Variants in CPLANE1 observed in about 807,000 individuals in gnomAD.
The protein encoded by CPLANE1 is ciliogenesis and planar polarity effector complex subunit 1.
A neutral mutation model predicts 362.5 loss-of-function variants in CPLANE1; 263 were observed. That is an observed-to-expected ratio of 0.73 (90% CI 0.66 to 0.80). The LOEUF is 0.80. CPLANE1 is among the 30% of genes least tolerant of loss of function. The probability of loss-of-function intolerance (pLI) is 0.00; values close to 1 mark genes in which losing one functional copy is unlikely to be tolerated. For missense variants in CPLANE1, 3,461 were observed against 3,793.4 expected, an observed-to-expected ratio of 0.91 and a Z score of 2.30; for synonymous variants, 1,212 against 1,302.6, an observed-to-expected ratio of 0.93 and a Z score of 1.50.
At chr5:37,245,110 C>T (rs1739112991) in intron 4 of CPLANE1, among the ~76,000 whole-genome samples, 1 of 150,996 alleles carries the variant, frequency 6.6e-6, no homozygotes, top group African/African-American at 2.4e-5. Context: ...CACCACTGCA[C>T]TCCAGCCTGG....
intron 43 of CPLANE1, among the ~76,000 whole-genome samples, chr5:37,144,338 G>A (rs1221301234): frequency 6.7e-6 from 1 of 149,724 alleles, no homozygotes; most frequent in Admixed American, 6.7e-5. Context: ...AACCCTGGAG[G>A]AGGAGGCTGC....
At chr5:37,100,461 G>A in the CPLANE1 span, among the ~76,000 whole-genome samples, 1 of 151,992 alleles carries the variant, frequency 6.6e-6, no homozygotes. Context: ...CTGTTCCATT[G>A]GTCTATGTGT....
At chr5:37,205,867 C>T (rs1004013083) in intron 17 of CPLANE1, among the ~76,000 whole-genome samples, 2 of 152,178 alleles carry the variant, frequency 1.3e-5, no homozygotes, top group African/African-American at 2.4e-5. Flanking sequence ...GCACGATCAT[C>T]GCCCCTGGCT....
intron 42 of CPLANE1, among the ~76,000 whole-genome samples, chr5:37,153,229 A>G (rs1443112925): frequency 6.6e-6 from 1 of 152,164 alleles, no homozygotes; most frequent in Non-Finnish European, 1.5e-5. Flanking sequence ...AAAATGTCCC[A>G]ACAAACAAAA....
the CPLANE1 span, among the ~76,000 whole-genome samples, chr5:37,095,496 C>T: frequency 6.6e-6 from 1 of 152,078 alleles, no homozygotes; most frequent in Non-Finnish European, 1.5e-5. Flanking sequence ...GGGGAAAAGT[C>T]GAAAGCATTC....
rs972866962 is a variant in CPLANE1, at chr5:37,175,912, G to A, written c.5975C>T (p.Ser1992Phe). The part of the protein sequence containing the change: ...SMQVDTSSEI[S>F]SAQISTYKEK... ...TATAGTAGGCAAAACTTCTTACCTAGAAATTTCTGAACTCGTATCTACTTG... is the reference window on the plus strand; with the variant it reads ...TATAGTAGGCAAAACTTCTTACCTAAAAATTTCTGAACTCGTATCTACTTG... The change falls in exon 31 of 53, where the codon TCT becomes TTT. Residue 1992 changes from serine (S) to phenylalanine (F), a missense_variant. By Grantham distance (155) the Ser-to-Phe change is radical. Around this residue, in one of 2 missense-constraint regions of CPLANE1, gnomAD observed 3,380 missense variants for 3,666.1 expected, o/e 0.92. Transcript: ENST00000651892. The A allele has an allele frequency of 1.2e-6, 2 of 1,610,976 alleles. No homozygotes were observed. Among genetic ancestry groups the A allele is most frequent in the Non-Finnish European group, 1.7e-6 (2 of 1,177,786 alleles).
At chr5:37,136,496 G>A (rs1161846835) in intron 46 of CPLANE1, among the ~76,000 whole-genome samples, 1 of 152,186 alleles carries the variant, frequency 6.6e-6, no homozygotes, top group Non-Finnish European at 1.5e-5. Flanking sequence ...CAAGCTGTCG[G>A]TAAATCTACC....
chr5:37,084,338 T>C, the CPLANE1 span, among the ~76,000 whole-genome samples: 6 of 151,894 alleles, frequency 4.0e-5, no homozygotes, highest in Non-Finnish European at 5.9e-5. Flanking sequence ...AAAGCATAAA[T>C]CTCACAGGAC....
intron 1 of CPLANE1, among the ~76,000 whole-genome samples, chr5:37,248,579 C>T (rs1198531329): frequency 1.3e-5 from 2 of 152,048 alleles, no homozygotes; most frequent in Non-Finnish European, 2.9e-5. Flanking sequence ...CAAGAGAGTT[C>T]GAGGCTGCAG....
In CPLANE1 at chr5:37,185,013, A is replaced by C. The variant is rs1390549177; in HGVS notation, c.4256T>G (p.Leu1419Arg). ...GCCTATATTTCTCTGCACACGTTTT[A>C]GAGCTTTCACCCTCACTTTCTGGAT... Reference protein sequence around the residue: ...HSIQKVRVKALKRVQRNIGSF... With the variant: ...HSIQKVRVKARKRVQRNIGSF... Residue 1419 changes from leucine (L) to arginine (R), a missense_variant, in exon 25 of 53, where the codon CTA becomes CGA. Coordinates refer to ENST00000651892, the MANE Select transcript of CPLANE1 (RefSeq NM_001384732.1). The C allele has an allele frequency of 6.2e-7, 1 of 1,614,126 alleles. No homozygotes were observed. The highest frequency in any genetic ancestry group is 8.5e-7 in the Non-Finnish European group (1 of 1,179,958).
chr5:37,140,836 T>C, intron 44 of CPLANE1: 1 of 983,672 alleles, frequency 1.0e-6, no homozygotes, highest in Non-Finnish European at 1.2e-6. Flanking sequence ...CTTAAAACAT[T>C]ATGAGATTTA....
Position 37,198,861 on chromosome 5 carries a change from A to G in CPLANE1, c.3513T>C (p.Asp1171=). The G allele has an allele frequency of 6.2e-7, 1 of 1,613,686 alleles. No homozygotes were observed. The highest frequency in any genetic ancestry group is 8.5e-7 in the Non-Finnish European group (1 of 1,179,776). Residue 1171 remains aspartate, a synonymous_variant, in exon 20 of 53, where the codon GAT becomes GAC. Coordinates refer to ENST00000651892, the MANE Select transcript of CPLANE1 (RefSeq NM_001384732.1). Reference sequence around the variant, plus strand: ...CAGCTTTTAAAAGAAGATCATCACCATCTTCCTGAGGAAAATAAAACAATC... The same window carrying G: ...CAGCTTTTAAAAGAAGATCATCACCGTCTTCCTGAGGAAAATAAAACAATC... ...CPQPAILSEE[D]GDDLLLKAEK...
In CPLANE1 at chr5:37,107,068, C is replaced by A. The variant is rs1288220165; in HGVS notation, c.*534G>T. On this transcript the variant is annotated 3_prime_UTR_variant, in exon 53 of 53. Coordinates refer to ENST00000651892, the MANE Select transcript of CPLANE1 (RefSeq NM_001384732.1). The stretch of plus-strand genomic sequence containing the variant: ...AGAAGATCTCCTGGCCTCCATGAAA[C>A]TTTGCTTATTTAGAGATTCAGGGTT... 7.1e-6 allele frequency: 7 copies of A among 985,406 alleles called. No individual in the cohort carries two copies. The highest frequency in any genetic ancestry group is 8.4e-6 in the Non-Finnish European group (7 of 829,934). The allele number at this position is 985,406 out of a possible 1,614,324, so 61.0% of individuals were successfully genotyped here.
intron 52 of CPLANE1, 83 bp downstream of exon 52, chr5:37,108,210 T>TA: frequency 2.2e-6 from 3 of 1,363,352 alleles, no homozygotes; most frequent in Non-Finnish European, 3.1e-6. Flanking sequence ...AAAAACAAAC[T>TA]AAAAAACAAA....
intron 21 of CPLANE1, among the ~76,000 whole-genome samples, chr5:37,188,134 T>C (rs572293754): frequency 1.3e-5 from 2 of 152,312 alleles, no homozygotes; most frequent in Admixed American, 6.5e-5. Context: ...CACAAAGATA[T>C]ATAAAATCAT....
At chr5:37,085,297 A>G in the CPLANE1 span, 10 of 1,032,182 alleles carry the variant, frequency 9.7e-6, no homozygotes, top group Admixed American at 8.5e-5. Flanking sequence ...GATATAACCT[A>G]CCCTGCTGGA....
intron 21 of CPLANE1, among the ~76,000 whole-genome samples, chr5:37,190,056 T>C (rs1219466519): frequency 1.3e-5 from 2 of 151,716 alleles, no homozygotes; most frequent in Non-Finnish European, 2.9e-5. Context: ...GTAAAGGTAG[T>C]TCATTAAATT....
rs1791980249 is a variant in CPLANE1 at position 37,209,520 on chromosome 5, T to C, written c.2921-3095A>G. ...AATTCATGAGTTAATGCACCCTGTA[T>C]TGAGTGGAGAACTGCAACCTCAGTC... On this transcript the variant is annotated intron_variant, in intron 16 of 52. Coordinates refer to ENST00000651892, the MANE Select transcript of CPLANE1 (RefSeq NM_001384732.1). This position sits in a 1 kb window ranked among gnomAD's most constrained non-coding sequence, Gnocchi z 4.6. 8.6e-6 allele frequency: 11 copies of C among 1,282,748 alleles called. No individual in the cohort carries two copies. In the South Asian group the frequency reaches 1.3e-4, roughly 15 times the overall value. 79.5% of individuals were successfully genotyped at this position (1,282,748 alleles called of 1,614,324 possible).
At chr5:37,173,119 G>C (rs767574623) in intron 32 of CPLANE1, among the ~76,000 whole-genome samples, 73 of 152,188 alleles carry the variant, frequency 4.8e-4, no homozygotes, top group Admixed American at 2.8e-3. Context: ...GTTTAGATCT[G>C]AAGGAAACTA....
Sources: allele counts gnomAD v4.1 joint callset (sites outside exome capture counted in the v4.1 genomes callset), GRCh38; gene constraint gnomAD v4.1.1; regional missense constraint gnomAD v4.1.1; non-coding constraint Gnocchi (gnomAD v3.1); transcripts MANE v1.5; gene names NCBI Gene and HGNC (gene_info 2026-07-23, HGNC 2026-07-21).